PTPRT: variants seen among roughly 807,000 people sequenced by gnomAD.
PTPRT encodes receptor-type tyrosine-protein phosphatase T.
A neutral mutation model predicts 176.8 loss-of-function variants in PTPRT; 56 were observed. The observed-to-expected ratio is 0.32, with a 90% CI of 0.26 to 0.40. The LOEUF (loss-of-function observed/expected upper bound fraction) is 0.40. Ranked by LOEUF, PTPRT falls within the 10% of genes least tolerant of loss-of-function variation. The pLI is 1.00. For missense variants in PTPRT, 1,540 were observed against 1,908.2 expected (o/e 0.81, Z 3.60); for synonymous variants, 783 against 739.0 (o/e 1.06, Z -0.96).
intron 1 of PTPRT, among the ~76,000 whole-genome samples, chr20:43,143,722 G>A (rs561951975): frequency 6.6e-6 from 1 of 152,320 alleles, no homozygotes; most frequent in African/African-American, 2.4e-5. Flanking sequence ...TGGAATCCAA[G>A]CTGATCTGGG....
At chr20:42,626,979 C>T (rs1018642558) in intron 7 of PTPRT, among the ~76,000 whole-genome samples, 3 of 148,754 alleles carry the variant, frequency 2.0e-5, no homozygotes, top group African/African-American at 5.1e-5. Flanking sequence ...TACCGTGAAG[C>T]CTTATCACAC....
intron 2 of PTPRT, among the ~76,000 whole-genome samples, chr20:42,817,737 C>T (rs2077814378): frequency 6.6e-6 from 1 of 152,328 alleles, no homozygotes; most frequent in South Asian, 2.1e-4. Context: ...CACAGCCCAA[C>T]ACACTGGCTG....
chr20:42,265,595 G>A (rs979586014), intron 13 of PTPRT, among the ~76,000 whole-genome samples: 9 of 151,906 alleles, frequency 5.9e-5, no homozygotes, highest in East Asian at 3.9e-4. Flanking sequence ...GCCTGTCTTC[G>A]CCTCTCTCCA....
intron 13 of PTPRT, 48 bp downstream of exon 13, chr20:42,282,430 AAAGAAATACTT>A: frequency 6.6e-7 from 1 of 1,512,412 alleles, no homozygotes. Context: ...GTGTGGCTAG[AAAGAAATACTT>A]AAATGGCTGA....
intron 1 of PTPRT, among the ~76,000 whole-genome samples, chr20:43,022,621 G>A (rs1411909017): frequency 2.6e-5 from 4 of 152,206 alleles, no homozygotes; most frequent in African/African-American, 7.2e-5. Flanking sequence ...GCTGGGAAGA[G>A]GAGAGTCTCT....
chr20:42,383,715 G>T (rs1401948714), intron 9 of PTPRT, among the ~76,000 whole-genome samples: 2 of 152,240 alleles, frequency 1.3e-5, no homozygotes, highest in Admixed American at 1.3e-4. Context: ...CATGTGTAGG[G>T]CCAAGGCTTA....
At chr20:42,604,871 G>A (rs945124514) in intron 7 of PTPRT, among the ~76,000 whole-genome samples, 1 of 152,174 alleles carries the variant, frequency 6.6e-6, no homozygotes, top group African/African-American at 2.4e-5. Flanking sequence ...GTTGACCCAG[G>A]CCCCCCTTGA....
chr20:42,897,599 A>T (rs1038404775), intron 1 of PTPRT, among the ~76,000 whole-genome samples: 1 of 152,222 alleles, frequency 6.6e-6, no homozygotes, highest in Non-Finnish European at 1.5e-5. Context: ...TAAAGAGTTC[A>T]ATGAGGTTAA....
intron 3 of PTPRT, among the ~76,000 whole-genome samples, chr20:42,787,674 G>A (rs916067122): frequency 2.0e-5 from 3 of 152,194 alleles, no homozygotes; most frequent in Non-Finnish European, 4.4e-5. Context: ...TGCAGGTAGA[G>A]AATATAAGGC....
intron 12 of PTPRT, among the ~76,000 whole-genome samples, chr20:42,283,219 G>T (rs551676572): frequency 6.6e-6 from 1 of 152,198 alleles, no homozygotes; most frequent in South Asian, 2.1e-4. Flanking sequence ...CTTAGGAAGA[G>T]AATTCTCTGC....
At chr20:42,826,275 T>G (rs1410101148) in intron 2 of PTPRT, among the ~76,000 whole-genome samples, 1 of 152,182 alleles carries the variant, frequency 6.6e-6, no homozygotes, top group Non-Finnish European at 1.5e-5. Context: ...AAGGCTTATC[T>G]TTGGAAAAAT....
chr20:42,439,087 C>T (rs1417052414), intron 9 of PTPRT, among the ~76,000 whole-genome samples: 1 of 152,164 alleles, frequency 6.6e-6, no homozygotes, highest in Admixed American at 6.5e-5. Context: ...CCCGAATGAC[C>T]TGTATATGGC....
intron 13 of PTPRT, among the ~76,000 whole-genome samples, chr20:42,281,497 T>G (rs902994688): frequency 1.3e-5 from 2 of 152,154 alleles, no homozygotes; most frequent in African/African-American, 4.8e-5. Flanking sequence ...TAGCTGTAGA[T>G]TTTTTTCTCT....
intron 11 of PTPRT, among the ~76,000 whole-genome samples, chr20:42,321,910 A>C (rs531797559): frequency 2.5e-3 from 384 of 152,276 alleles, no homozygotes; most frequent in Non-Finnish European, 3.7e-3. Flanking sequence ...TCTCTACTAA[A>C]AATACAAAAA....
At chr20:42,275,846 C>T (rs578247519) in intron 13 of PTPRT, among the ~76,000 whole-genome samples, 2 of 152,274 alleles carry the variant, frequency 1.3e-5, no homozygotes, top group Non-Finnish European at 2.9e-5. Context: ...ATTTGTTACA[C>T]TCATGTAACT....
intron 7 of PTPRT, among the ~76,000 whole-genome samples, chr20:42,590,681 A>G (rs1042857632): frequency 1.3e-5 from 2 of 152,292 alleles, no homozygotes; most frequent in Admixed American, 6.5e-5. Flanking sequence ...AGAAGGAGTC[A>G]GTGTCAATTA....
chr20:43,131,051 G>A (rs1250651424), intron 1 of PTPRT, among the ~76,000 whole-genome samples: 1 of 152,220 alleles, frequency 6.6e-6, no homozygotes, highest in Non-Finnish European at 1.5e-5. Context: ...GACGCAGGTA[G>A]AAACACATTA....
rs114725756 is a variant in PTPRT at position 43,052,115 on chromosome 20, G to A, written c.88+137531C>T. 6.6e-3 allele frequency among the ~76,000 whole-genome samples: 1,007 copies of A among 152,296 alleles called. 8 individuals are homozygous for A. Among genetic ancestry groups the A allele is most frequent in the African/African-American group, 0.024 (977 of 41,548 alleles). ...TGTAATAGAAGAATCCTGGGCTCTC[G>A]TCATGGGATTCCCAATGTCCCTGAA... On this transcript the variant is annotated intron_variant, in intron 1 of 30. Transcript: ENST00000373187.
chr20:42,241,387 G>A (rs1388621843), intron 14 of PTPRT, among the ~76,000 whole-genome samples: 2 of 152,266 alleles, frequency 1.3e-5, no homozygotes, highest in East Asian at 1.9e-4. Context: ...ATGGCAAGAT[G>A]TTGGAAGGGC....
Sources: allele counts gnomAD v4.1 joint callset (sites outside exome capture counted in the v4.1 genomes callset), GRCh38; gene constraint gnomAD v4.1.1; transcripts MANE v1.5; gene names NCBI Gene and HGNC (gene_info 2026-07-23, HGNC 2026-07-21).